The following PSMC4 variants were observed in gnomAD, a reference collection of about 807,000 sequenced individuals.
PSMC4 encodes proteasome 26S subunit, ATPase 4.
PSMC4 carries 13 observed loss-of-function variants against 48.4 expected under a neutral mutation model. The ratio of observed to expected loss-of-function variants is 0.27; its 90% CI spans 0.18 to 0.43. PSMC4 has a LOEUF of 0.43. Ranked by LOEUF, PSMC4 falls within the 20% of genes least tolerant of loss-of-function variation. The pLI, the probability that PSMC4 is intolerant of heterozygous loss-of-function variation, is 1.00. For missense variants in PSMC4, 262 were observed against 555.9 expected (o/e 0.47, Z 5.32); for synonymous variants, 202 against 212.3 (o/e 0.95, Z 0.42).
At chr19:39,977,710 T>C (rs967290662) in intron 6 of PSMC4, among the ~76,000 whole-genome samples, 2 of 151,908 alleles carry the variant, frequency 1.3e-5, no homozygotes, top group African/African-American at 2.4e-5. Flanking sequence ...TAATCCCAGC[T>C]ACTCGGGAGG....
At chr19:39,977,775 T>G (rs1422436955) in intron 6 of PSMC4, among the ~76,000 whole-genome samples, 1 of 151,400 alleles carries the variant, frequency 6.6e-6, no homozygotes, top group Non-Finnish European at 1.5e-5. Context: ...TGAGCGAAGA[T>G]CGCACCATTG....
At chr19:39,975,330 G>C (rs1281469751) in intron 6 of PSMC4, among the ~76,000 whole-genome samples, 1 of 151,730 alleles carries the variant, frequency 6.6e-6, no homozygotes, top group East Asian at 1.9e-4. Context: ...TGTTGCCCAG[G>C]CTGGTCTTGA....
chr19:39,979,663 TG>T, intron 6 of PSMC4, 153 bp from the exon 7 acceptor site: 2 of 642,978 alleles, frequency 3.1e-6, no homozygotes, highest in Non-Finnish European at 2.3e-6. Flanking sequence ...GGGCTGGATG[TG>T]GGGCTCACCC....
In PSMC4 at chr19:39,974,919, AAC is replaced by A; in HGVS notation, c.673+93_673+94del. 2 of 1,269,478 alleles carry A rather than the reference AAC, an allele frequency of 1.6e-6. No individual in the cohort carries two copies. 78.6% of individuals were successfully genotyped at this position (1,269,478 alleles called of 1,614,324 possible). A position where few individuals can be genotyped will look rare whatever the true frequency, so the allele number is the denominator to read the frequency against. On this transcript the variant is annotated intron_variant, in intron 6 of 10. Transcript: ENST00000157812. This position sits in a 1 kb window ranked among gnomAD's most constrained non-coding sequence, Gnocchi z 5.5. ...TCACTGGCACTGCACAGTAATTAGA[AAC>A]AGACTCTGGGGTCATAGCCCACGTG...
intron 6 of PSMC4, 47 bp from the exon 7 acceptor site, chr19:39,979,770 C>T (rs1324388096): frequency 1.2e-5 from 19 of 1,536,016 alleles, no homozygotes; most frequent in East Asian, 2.3e-5. Context: ...CAGAATGGGC[C>T]CCTCAGGAGG....
rs1287075186 is a variant in PSMC4, at chr19:39,974,801, G to T, written c.646G>T (p.Ala216Ser). ...GPPGCGKTML[A>S]KAVAHHTTAA... ...ACCTGGCTGTGGGAAGACCATGTTG[G>T]CAAAGGCGGTGGCACATCACACAAC... Residue 216 changes from alanine to serine, a missense_variant, in exon 6 of 11, where the codon GCA becomes TCA. By Grantham distance (99) the Ala-to-Ser change is moderately conservative (BLOSUM62 1). Around this residue, in one of 4 missense-constraint regions of PSMC4, gnomAD observed 131 missense variants for 276.7 expected, o/e 0.47. Coordinates refer to ENST00000157812, the MANE Select transcript of PSMC4 (RefSeq NM_006503.4). This position sits in a 1 kb window ranked among gnomAD's most constrained non-coding sequence, Gnocchi z 5.5. The T allele has an allele frequency of 6.2e-7, 1 of 1,614,002 alleles. No individual in the cohort carries two copies. Among genetic ancestry groups the T allele is most frequent in the Admixed American group, 1.7e-5 (1 of 60,008 alleles).
In PSMC4 at chr19:39,972,559, TGC is replaced by T; in HGVS notation, c.322+5_322+6del. ...GCCATCGTGGGCTCTACCACAGGTG[TGC>T]TAAGGACACCTCATTCATTCATCTG... On this transcript the variant is annotated splice_donor_5th_base_variant and intron_variant, in intron 3 of 10. Transcript: ENST00000157812. 1 of 1,604,988 alleles carries T rather than the reference TGC, an allele frequency of 6.2e-7. No individual in the cohort carries two copies. Among genetic ancestry groups the T allele is most frequent in the Non-Finnish European group, 8.5e-7 (1 of 1,173,840 alleles).
At chr19:39,973,412 C>T (rs535663701) in intron 3 of PSMC4, among the ~76,000 whole-genome samples, 3 of 151,940 alleles carry the variant, frequency 2.0e-5, no homozygotes, top group Non-Finnish European at 4.4e-5. Context: ...GGCAAAACCC[C>T]GTCTCTACTG....
intron 3 of PSMC4, among the ~76,000 whole-genome samples, chr19:39,973,719 T>C (rs1971145851): frequency 6.6e-6 from 1 of 152,122 alleles, no homozygotes; most frequent in Non-Finnish European, 1.5e-5. Context: ...ATCTTATCTG[T>C]TTTTTCTTGT....
intron 6 of PSMC4, among the ~76,000 whole-genome samples, chr19:39,977,640 TG>T (rs1461771948): frequency 1.3e-5 from 2 of 151,950 alleles, no homozygotes; most frequent in East Asian, 3.9e-4. Context: ...GCAAACATAG[TG>T]AAACCCCATC....
Position 39,980,212 on chromosome 19 carries a change from C to T in PSMC4, c.918+66C>T, listed in dbSNP as rs962433522. 4.3e-6 allele frequency: 7 copies of T among 1,613,362 alleles called. No individual in the cohort carries two copies. The African/African-American group carries it at 6.7e-5, about 15-fold the overall frequency. On this transcript the variant is annotated intron_variant, in intron 8 of 10. Transcript: ENST00000157812. This position sits in a 1 kb window ranked among gnomAD's most constrained non-coding sequence, Gnocchi z 4.8. The stretch of plus-strand genomic sequence containing the variant: ...AACTGGGGAAAGTTGGGGGCTGGCA[C>T]CTAAGGGGTGGTTATCGTGACAGGA...
chr19:39,971,455 T>A (rs1003560104), intron 1 of PSMC4, among the ~76,000 whole-genome samples: 2 of 151,630 alleles, frequency 1.3e-5, no homozygotes, highest in African/African-American at 4.9e-5. Flanking sequence ...GGGGAGTGAG[T>A]GACGTTAGTG....
Position 39,980,266 on chromosome 19 carries a change from G to T in PSMC4, c.919-20G>T, listed in dbSNP as rs1971266909. On this transcript the variant is annotated intron_variant, in intron 8 of 10. Coordinates refer to ENST00000157812, the MANE Select transcript of PSMC4 (RefSeq NM_006503.4). The surrounding 1 kb of genome is among the most constrained non-coding windows in gnomAD (Gnocchi z 4.8). ...AGGTAGGAGTGCAGAGATCTGAGCT[G>T]GCCTGCCCCCCAATGTCAGGTAATC... 1 of 1,613,768 alleles carries T rather than the reference G, an allele frequency of 6.2e-7. No individual in the cohort carries two copies. The highest frequency in any genetic ancestry group is 1.1e-5 in the South Asian group (1 of 91,068).
chr19:39,981,003 G>A (rs141987854), intron 10 of PSMC4, among the ~76,000 whole-genome samples, 189 bp from the exon 11 acceptor site: 13 of 138,402 alleles, frequency 9.4e-5, no homozygotes, highest in African/African-American at 4.1e-4. Context: ...GATTACAGGC[G>A]CCCACCACCA....
In PSMC4 at chr19:39,972,365, G is replaced by T. The variant is rs766465537; in HGVS notation, c.136-4G>T. On this transcript the variant is annotated splice_polypyrimidine_tract_variant and splice_region_variant and intron_variant, in intron 2 of 10. Transcript: ENST00000157812. ...ATCCCCTTCTGTCCCCTCTCTGCTC[G>T]CAGAAGCTGCAGCAAGAGCTGGAGT... 3.4e-5 allele frequency: 55 copies of T among 1,613,220 alleles called. 1 individual carries two copies. The South Asian group carries it at 3.6e-4, about 11-fold the overall frequency.
At chr19:39,981,137 G>A in intron 10 of PSMC4, 55 bp from the exon 11 acceptor site, 1 of 1,370,372 alleles carries the variant, frequency 7.3e-7, no homozygotes, top group South Asian at 1.2e-5. Flanking sequence ...GATTACAGGT[G>A]TGAGCCACTG....
intron 3 of PSMC4, among the ~76,000 whole-genome samples, chr19:39,973,692 TA>T (rs1568374556): frequency 6.6e-6 from 1 of 152,058 alleles, no homozygotes; most frequent in Non-Finnish European, 1.5e-5. Flanking sequence ...GCCCTCTTGA[TA>T]GTCATTGTCA....
Position 39,974,201 on chromosome 19 carries a change from A to C in PSMC4, c.323-93A>C. ...GAGGGGACCCCTCAGGGTCTGAACCAGAGATGTTGGGGTGTGGAGATTAGG... is the reference window on the plus strand; with the variant it reads ...GAGGGGACCCCTCAGGGTCTGAACCCGAGATGTTGGGGTGTGGAGATTAGG... On this transcript the variant is annotated intron_variant, in intron 3 of 10. Transcript: ENST00000157812. This position sits in a 1 kb window ranked among gnomAD's most constrained non-coding sequence, Gnocchi z 5.5. 2.0e-6 allele frequency: 3 copies of C among 1,502,584 alleles called. No individual in the cohort carries two copies. Among genetic ancestry groups the C allele is most frequent in the Non-Finnish European group, 2.7e-6 (3 of 1,105,268 alleles). 93.1% of individuals were successfully genotyped at this position (1,502,584 alleles called of 1,614,324 possible).
Position 39,980,828 on chromosome 19 carries a change from C to A in PSMC4, c.1143+111C>A. 1 of 1,060,388 alleles carries A rather than the reference C, an allele frequency of 9.4e-7. No individual in the cohort carries two copies. Among genetic ancestry groups the A allele is most frequent in the South Asian group, 1.3e-5 (1 of 78,194 alleles). The allele number at this position is 1,060,388 out of a possible 1,614,324, so 65.7% of individuals were successfully genotyped here. ...TCATGGCTGCCCTGGGTCGTGGGCG[C>A]CATCTCTCTCTTCCTCTACCATCAC... On this transcript the variant is annotated intron_variant, in intron 10 of 10. Transcript: ENST00000157812. This position sits in a 1 kb window ranked among gnomAD's most constrained non-coding sequence, Gnocchi z 4.8.
Sources: gnomAD v4.1 joint callset for allele counts (sites outside exome capture counted in the v4.1 genomes callset) on GRCh38, gnomAD v4.1.1 for gene constraint, gnomAD v4.1.1 regional missense constraint, Gnocchi (gnomAD v3.1) non-coding constraint, MANE v1.5 for transcripts, NCBI Gene and HGNC (gene_info 2026-07-23, HGNC 2026-07-21) for gene names.